The following DIS3L2 variants were observed in gnomAD, a reference collection of about 807,000 sequenced individuals.
DIS3L2 encodes DIS3 like 3'-5' exoribonuclease 2.
A neutral mutation model predicts 97.5 loss-of-function variants in DIS3L2; 34 were observed. The ratio of observed to expected loss-of-function variants is 0.35; its 90% CI spans 0.27 to 0.46. The LOEUF is 0.46. Among genes scored for constraint, DIS3L2 ranks in the 20% least tolerant of loss-of-function variants. The probability of loss-of-function intolerance (pLI) is 1.00; values close to 1 mark genes in which losing one functional copy is unlikely to be tolerated. For synonymous variants in DIS3L2, 435 were observed against 445.2 expected, an observed-to-expected ratio of 0.98 and a Z score of 0.29; for missense variants, 1,038 against 1,146.0, an observed-to-expected ratio of 0.91 and a Z score of 1.36.
chr2:232,110,267 T>A (rs985028409), intron 6 of DIS3L2, among the ~76,000 whole-genome samples: 1 of 152,160 alleles, frequency 6.6e-6, no homozygotes, highest in Admixed American at 6.5e-5. Context: ...AGTTCAATCA[T>A]TGTGGAAGAC....
chr2:232,333,476 TG>T (rs1189162264), intron 16 of DIS3L2, among the ~76,000 whole-genome samples: 2 of 152,166 alleles, frequency 1.3e-5, no homozygotes, highest in Non-Finnish European at 2.9e-5. Context: ...GCTCAGCTCG[TG>T]CCCCCTACCC....
chr2:231,995,815 T>C (rs1456757194), intron 1 of DIS3L2, among the ~76,000 whole-genome samples: 5 of 152,350 alleles, frequency 3.3e-5, no homozygotes, highest in East Asian at 1.9e-4. Context: ...TTTTCAGATA[T>C]TGACTCCACT....
At position 232,329,796 on chromosome 2, in the gene DIS3L2, C is replaced by T. The variant is rs1257755319; in HGVS notation, c.1740-17C>T. 1.9e-5 allele frequency: 8 copies of T among 425,678 alleles called. 1 individual carries two copies. Among genetic ancestry groups the T allele is most frequent in the Admixed American group, 8.9e-5 (2 of 22,554 alleles). 26.4% of individuals were successfully genotyped at this position (425,678 alleles called of 1,614,324 possible). ...CCAAACCCCAGCGGTCCCTCCCATC[C>T]CACCCACCCTCTGCAGGCTCGTGGA... On this transcript the variant is annotated splice_polypyrimidine_tract_variant and intron_variant, in intron 14 of 20. Transcript: ENST00000325385.
chr2:232,201,863 C>G (rs1211318172), intron 9 of DIS3L2, among the ~76,000 whole-genome samples: 3 of 151,950 alleles, frequency 2.0e-5, no homozygotes, highest in Non-Finnish European at 4.4e-5. Flanking sequence ...AAAGATAAAG[C>G]CAATATGGAA....
intron 1 of DIS3L2, among the ~76,000 whole-genome samples, chr2:231,968,093 A>T (rs1322793090): frequency 6.7e-6 from 1 of 149,878 alleles, no homozygotes; most frequent in Non-Finnish European, 1.5e-5. Flanking sequence ...ATCCCAGATA[A>T]CTGATTTTTT....
intron 13 of DIS3L2, among the ~76,000 whole-genome samples, chr2:232,291,886 A>C (rs1238329252): frequency 1.3e-5 from 2 of 152,064 alleles, no homozygotes; most frequent in Non-Finnish European, 2.9e-5. Context: ...TTTTAAACTC[A>C]TTTTTTTGCC....
At chr2:231,962,091 G>C (rs1001768488) in intron 1 of DIS3L2, among the ~76,000 whole-genome samples, 9 of 152,238 alleles carry the variant, frequency 5.9e-5, no homozygotes, top group Non-Finnish European at 2.9e-5. Flanking sequence ...GCTGTAGAGA[G>C]GACGCCTCCC....
chr2:232,298,078 T>C (rs1694764902), intron 13 of DIS3L2, among the ~76,000 whole-genome samples: 1 of 152,248 alleles, frequency 6.6e-6, no homozygotes, highest in Admixed American at 6.5e-5. Context: ...CATCCTGCTT[T>C]ATCTCATCTG....
intron 5 of DIS3L2, among the ~76,000 whole-genome samples, chr2:232,042,082 C>A (rs756140018): frequency 1.3e-5 from 2 of 151,992 alleles, no homozygotes; most frequent in African/African-American, 2.4e-5. Flanking sequence ...GAGATTGGCA[C>A]TGAAAGAAAG....
rs143495050 is a variant in DIS3L2, at chr2:232,052,569, A to G, written c.366+22489A>G. Among the ~76,000 whole-genome samples, 12 of 152,286 alleles carry G rather than the reference A, an allele frequency of 7.9e-5. No homozygotes were observed. In the East Asian group the frequency reaches 2.1e-3, roughly 27 times the overall value. Reference sequence around the variant, plus strand: ...GTTGGGCAACTCTGTTTCCTTTAGCATACCCTTAATCTTGGGCACCACATA... The same window carrying G: ...GTTGGGCAACTCTGTTTCCTTTAGCGTACCCTTAATCTTGGGCACCACATA... On this transcript the variant is annotated intron_variant, in intron 5 of 20. Coordinates refer to ENST00000325385, the MANE Select transcript of DIS3L2 (RefSeq NM_152383.5).
At chr2:232,273,878 C>T (rs570151491) in intron 13 of DIS3L2, among the ~76,000 whole-genome samples, 1 of 152,302 alleles carries the variant, frequency 6.6e-6, no homozygotes, top group South Asian at 2.1e-4. Flanking sequence ...AGTCCCTAGA[C>T]CCATGATGGG....
intron 9 of DIS3L2, among the ~76,000 whole-genome samples, chr2:232,191,554 T>C (rs1027708470): frequency 6.6e-6 from 1 of 152,194 alleles, no homozygotes; most frequent in Non-Finnish European, 1.5e-5. Flanking sequence ...CTCTGAATAG[T>C]AGGTGTATGG....
chr2:232,327,769 G>C (rs900071298), intron 14 of DIS3L2, among the ~76,000 whole-genome samples: 1 of 152,186 alleles, frequency 6.6e-6, no homozygotes, highest in African/African-American at 2.4e-5. Context: ...ATATTGAGGA[G>C]ACCCCCAGCT....
At chr2:232,329,785 T>TGCCCGGGGGGCCCC in intron 14 of DIS3L2, 28 bp from the exon 15 acceptor site, 32 of 967,108 alleles carry the variant, frequency 3.3e-5, no homozygotes, top group Non-Finnish European at 3.5e-5. Flanking sequence ...ACCCCAGCGG[T>TGCCCGGGGGGCCCC]CCCTCCCATC....
intron 10 of DIS3L2, among the ~76,000 whole-genome samples, chr2:232,214,733 A>C (rs1363468569): frequency 6.6e-6 from 1 of 152,152 alleles, no homozygotes; most frequent in African/African-American, 2.4e-5. Context: ...ACAGCTACCC[A>C]TTCTGTTCAA....
At chr2:232,078,011 TTCTTTCTTTTTCTC>T (rs201237686) in intron 5 of DIS3L2, among the ~76,000 whole-genome samples, 1,572 of 110,354 alleles carry the variant, frequency 0.014, 31 homozygotes, top group East Asian at 0.11. Flanking sequence ...CTTTCTTTCT[TTCTTTCTTTTTCTC>T]TTTCTCTTTC....
chr2:232,125,632 T>G (rs1396194236), intron 6 of DIS3L2, among the ~76,000 whole-genome samples: 1 of 152,158 alleles, frequency 6.6e-6, no homozygotes, highest in East Asian at 1.9e-4. Flanking sequence ...GCATCATACA[T>G]TTTCATTAGC....
At chr2:232,300,946 A>G (rs1446023353) in intron 14 of DIS3L2, among the ~76,000 whole-genome samples, 1 of 151,334 alleles carries the variant, frequency 6.6e-6, no homozygotes, top group Non-Finnish European at 1.5e-5. Flanking sequence ...GAGCCACCAC[A>G]CCCAGCCACA....
Position 232,329,889 on chromosome 2 carries a change from C to G in DIS3L2, c.1816C>G (p.Leu606Val), listed in dbSNP as rs368306067. ...CCACCGCGCCTTCCCCGAGCAGGCC[C>G]TGCTGCGCCGGCACCCCCCGCCCCA... is the stretch of plus-strand genomic sequence containing the variant. Reference protein sequence around the residue: ...KIHRAFPEQALLRRHPPPQTR... With the variant: ...KIHRAFPEQAVLRRHPPPQTR... Residue 606 changes from leucine to valine, a missense_variant, in exon 15 of 21, where the codon CTG becomes GTG. Physicochemically the swap from Leu to Val is conservative, Grantham distance 32. Around this residue, in one of 3 missense-constraint regions of DIS3L2, gnomAD observed 813 missense variants for 880.1 expected, o/e 0.92. Transcript: ENST00000325385. The G allele has an allele frequency of 1.2e-6, 2 of 1,612,490 alleles. No individual in the cohort carries two copies. The highest frequency in any genetic ancestry group is 1.7e-6 in the Non-Finnish European group (2 of 1,179,556).
Sources: gnomAD v4.1 joint callset for allele counts (sites outside exome capture counted in the v4.1 genomes callset) on GRCh38, gnomAD v4.1.1 for gene constraint, gnomAD v4.1.1 regional missense constraint, MANE v1.5 for transcripts, NCBI Gene and HGNC (gene_info 2026-07-23, HGNC 2026-07-21) for gene names.